The following RNF2 variants were observed in gnomAD, a reference collection of about 807,000 sequenced individuals.
RNF2 encodes the protein E3 ubiquitin-protein ligase RING2.
Under a neutral mutation model 37.2 loss-of-function variants are expected in RNF2, and 6 were observed. The ratio of observed to expected loss-of-function variants is 0.16; its 90% CI spans 0.09 to 0.32. RNF2 has a LOEUF of 0.32. Ranked by LOEUF, RNF2 falls within the 10% of genes least tolerant of loss-of-function variation. The pLI, the probability that RNF2 is intolerant of heterozygous loss-of-function variation, is 1.00. For synonymous variants in RNF2, 133 were observed against 132.7 expected (o/e 1.00, Z -0.02); for missense variants, 251 against 404.0 (o/e 0.62, Z 3.25).
At chr1:185,071,069 G>C (rs184607904) in intron 1 of RNF2, among the ~76,000 whole-genome samples, 1 of 152,296 alleles carries the variant, frequency 6.6e-6, no homozygotes, top group East Asian at 1.9e-4. Context: ...TATTTGTGTG[G>C]AAATGATGGA....
intron 1 of RNF2, among the ~76,000 whole-genome samples, chr1:185,074,967 G>C (rs1217649679): frequency 6.6e-6 from 1 of 151,954 alleles, no homozygotes; most frequent in Non-Finnish European, 1.5e-5. Context: ...ACTGAGGGAC[G>C]ACTATATATA....
At position 185,076,726 on chromosome 1, in the gene RNF2, T is replaced by C. The variant is rs555285739; in HGVS notation, c.-2-10826T>C. Among the ~76,000 whole-genome samples, 16 of 152,182 alleles carry C rather than the reference T, an allele frequency of 1.1e-4. 1 individual carries two copies. In the South Asian group the frequency reaches 2.9e-3, roughly 28 times the overall value. ...TTTTAAAATACCCTAAATTCACATATCTGTTTTTGAGCCCTTTGTTTTGTT... is the reference window on the plus strand; with the variant it reads ...TTTTAAAATACCCTAAATTCACATACCTGTTTTTGAGCCCTTTGTTTTGTT... On this transcript the variant is annotated intron_variant, in intron 1 of 6. Transcript: ENST00000367510.
At chr1:185,062,087 T>A (rs1376563653) in intron 1 of RNF2, among the ~76,000 whole-genome samples, 1 of 152,184 alleles carries the variant, frequency 6.6e-6, no homozygotes, top group Non-Finnish European at 1.5e-5. Flanking sequence ...CAAGGCTGAG[T>A]ACAAACATGG....
chr1:185,076,268 G>GCTTTTTTTTTTTT (rs1553240995), intron 1 of RNF2, among the ~76,000 whole-genome samples: 3 of 27,334 alleles, frequency 1.1e-4, no homozygotes, highest in Non-Finnish European at 2.3e-4. Flanking sequence ...TTTATGGGTT[G>GCTTTTTTTTTTTT]TTTTTTTTTT....
At chr1:185,091,112 A>G (rs1651754040) in intron 2 of RNF2, among the ~76,000 whole-genome samples, 2 of 152,218 alleles carry the variant, frequency 1.3e-5, no homozygotes. Flanking sequence ...AATGGGCAGC[A>G]TGAAACATAA....
intron 1 of RNF2, among the ~76,000 whole-genome samples, chr1:185,076,268 GTTTTTT>G (rs71101959): frequency 1.8e-4 from 5 of 27,330 alleles, no homozygotes; most frequent in African/African-American, 6.6e-4. Flanking sequence ...TTTATGGGTT[GTTTTTT>G]TTTTTTTTTT....
At chr1:185,062,819 C>G (rs1048080435) in intron 1 of RNF2, among the ~76,000 whole-genome samples, 5 of 149,664 alleles carry the variant, frequency 3.3e-5, no homozygotes, top group Non-Finnish European at 4.4e-5. Context: ...CTCCCCCCCC[C>G]CAAAAAAAGG....
chr1:185,054,168 A>C (rs1650359020), intron 1 of RNF2, among the ~76,000 whole-genome samples: 1 of 152,218 alleles, frequency 6.6e-6, no homozygotes, highest in African/African-American at 2.4e-5. Flanking sequence ...GTTTTACTCT[A>C]ATTATCCACT....
chr1:185,061,229 G>A (rs1650592632), intron 1 of RNF2, among the ~76,000 whole-genome samples: 1 of 150,166 alleles, frequency 6.7e-6, no homozygotes. Context: ...CCGGGTTCAC[G>A]CCATTCTCCT....
At chr1:185,075,484 T>C (rs1651119321) in intron 1 of RNF2, among the ~76,000 whole-genome samples, 1 of 152,190 alleles carries the variant, frequency 6.6e-6, no homozygotes, top group Admixed American at 6.5e-5. Context: ...TAAACACTAG[T>C]GTTCTTGCAT....
intron 1 of RNF2, among the ~76,000 whole-genome samples, chr1:185,085,145 C>CT (rs71555455): frequency 0.057 from 5,841 of 103,122 alleles, 565 homozygotes; most frequent in African/African-American, 0.17. Flanking sequence ...CTTTCTTTTT[C>CT]TTTTTTTTTT....
At chr1:185,055,939 C>G (rs1453425072) in intron 1 of RNF2, among the ~76,000 whole-genome samples, 3 of 151,888 alleles carry the variant, frequency 2.0e-5, no homozygotes, top group Admixed American at 6.6e-5. Flanking sequence ...CTGTGGGGTG[C>G]TATCCTCTAG....
chr1:185,095,552 A>G (rs2102204982), intron 4 of RNF2, among the ~76,000 whole-genome samples: 1 of 152,314 alleles, frequency 6.6e-6, no homozygotes, highest in South Asian at 2.1e-4. Flanking sequence ...GTTACCTGCT[A>G]CACTAGAATT....
At chr1:185,090,090 T>A (rs1293592536) in intron 2 of RNF2, among the ~76,000 whole-genome samples, 1 of 151,814 alleles carries the variant, frequency 6.6e-6, no homozygotes, top group Non-Finnish European at 1.5e-5. Flanking sequence ...CCCGGCTAAT[T>A]TTTGTATTTT....
At chr1:185,090,751 A>G (rs1021224239) in intron 2 of RNF2, among the ~76,000 whole-genome samples, 6 of 152,230 alleles carry the variant, frequency 3.9e-5, no homozygotes, top group Admixed American at 1.3e-4. Context: ...TACTGGTGGC[A>G]TTAGAGCTGA....
intron 1 of RNF2, among the ~76,000 whole-genome samples, chr1:185,053,570 C>T (rs1012162649): frequency 6.6e-6 from 1 of 152,072 alleles, no homozygotes; most frequent in Non-Finnish European, 1.5e-5. Context: ...CCAGGCTGGT[C>T]TTGGACTCCT....
rs1651817708 is a variant in RNF2 at position 185,093,228 on chromosome 1, C to T, written c.416C>T (p.Ala139Val). 1 of 1,613,984 alleles carries T rather than the reference C, an allele frequency of 6.2e-7. No individual in the cohort carries two copies. Among genetic ancestry groups the T allele is most frequent in the Non-Finnish European group, 8.5e-7 (1 of 1,179,966 alleles). Reference protein sequence around the residue: ...ARINKHNNQQALSHSIEEGLK... With the variant: ...ARINKHNNQQVLSHSIEEGLK... The stretch of plus-strand genomic sequence containing the variant: ...ATCAACAAGCACAATAATCAGCAAG[C>T]ACTCAGTCACAGCATTGAGGAAGGA... Residue 139 changes from alanine (A) to valine (V), a missense_variant, in exon 4 of 7, where the codon GCA (alanine) becomes GTA (valine). Physicochemically the swap from Ala to Val is moderately conservative, Grantham distance 64. Around this residue, in one of 7 missense-constraint regions of RNF2, gnomAD observed 33 missense variants for 46.8 expected, o/e 0.71. Coordinates refer to ENST00000367510, the MANE Select transcript of RNF2 (RefSeq NM_007212.4).
chr1:185,052,909 TAC>T (rs553260363), intron 1 of RNF2, among the ~76,000 whole-genome samples: 94 of 152,352 alleles, frequency 6.2e-4, no homozygotes, highest in African/African-American at 1.9e-3. Context: ...GTACTACAGC[TAC>T]AGTGCTTAAT....
chr1:185,052,098 G>C (rs148645247), intron 1 of RNF2, among the ~76,000 whole-genome samples: 3 of 151,888 alleles, frequency 2.0e-5, no homozygotes, highest in African/African-American at 7.2e-5. Flanking sequence ...TTTCCTCCTC[G>C]TTTGATCTGA....
Sources: allele counts gnomAD v4.1 joint callset (sites outside exome capture counted in the v4.1 genomes callset), GRCh38; gene constraint gnomAD v4.1.1; regional missense constraint gnomAD v4.1.1; transcripts MANE v1.5; gene names NCBI Gene and HGNC (gene_info 2026-07-23, HGNC 2026-07-21).